Variants in PNPLA8 observed in about 807,000 individuals in gnomAD.
The protein encoded by PNPLA8 is calcium-independent phospholipase A2-gamma.
PNPLA8 carries 39 observed loss-of-function variants against 76.9 expected under a neutral mutation model. That is an observed-to-expected ratio of 0.51 (90% CI 0.39 to 0.66). The LOEUF (loss-of-function observed/expected upper bound fraction) is 0.66. Ranked by LOEUF, PNPLA8 falls within the 30% of genes least tolerant of loss-of-function variation. The pLI, the probability that PNPLA8 is intolerant of heterozygous loss-of-function variation, is 0.00. For missense variants in PNPLA8, 887 were observed against 918.0 expected, an observed-to-expected ratio of 0.97 and a Z score of 0.44; for synonymous variants, 301 against 307.9, an observed-to-expected ratio of 0.98 and a Z score of 0.24.
chr7:108,502,729 C>A, intron 4 of PNPLA8, 87 bp from the exon 5 acceptor site: 2 of 868,488 alleles, frequency 2.3e-6, no homozygotes, highest in Non-Finnish European at 3.6e-6. Context: ...ATGCAGTTCA[C>A]CACATGACAA....
rs1863201637 is a variant in PNPLA8 at position 108,514,878 on chromosome 7, T to G, written c.614A>C (p.Tyr205Ser). 6.2e-7 allele frequency: 1 copy of G among 1,607,932 alleles called. No homozygotes were observed. The highest frequency in any genetic ancestry group is 1.3e-5 in the African/African-American group (1 of 74,564). Reference sequence around the variant, plus strand: ...TGAATTAATATGATTTGATAAAAAGTAGAATGAGTCTCCAAATTTTGTGGT... The same window carrying G: ...TGAATTAATATGATTTGATAAAAAGGAGAATGAGTCTCCAAATTTTGTGGT... Reference protein sequence around the residue: ...SITTKFGDSFYFLSNHINSYF... With the variant: ...SITTKFGDSFSFLSNHINSYF... Residue 205 changes from tyrosine to serine, a missense_variant, in exon 3 of 11, where the codon TAC becomes TCC. Physicochemically the swap from Tyr to Ser is moderately radical, Grantham distance 144. Coordinates refer to ENST00000257694, the MANE Select transcript of PNPLA8 (RefSeq NM_001256007.3).
At chr7:108,480,671 T>C (rs189529948) in intron 9 of PNPLA8, 23 of 383,908 alleles carry the variant, frequency 6.0e-5, no homozygotes, top group African/African-American at 4.3e-4. Context: ...TTTGACAGAA[T>C]ACTTAAACAT....
At chr7:108,504,434 G>C (rs35220845) in intron 4 of PNPLA8, among the ~76,000 whole-genome samples, 15,412 of 152,026 alleles carry the variant, frequency 0.1, 815 homozygotes, top group Non-Finnish European at 0.11. Context: ...AGATGTAAAA[G>C]ACACCCAACA....
chr7:108,511,037 TTGG>T, intron 4 of PNPLA8: 1 of 507,994 alleles, frequency 2.0e-6, no homozygotes, highest in Non-Finnish European at 3.0e-6. Flanking sequence ...TGCTCTCAAA[TTGG>T]AAAAAAAAAA....
chr7:108,524,487 T>C (rs770511099), intron 1 of PNPLA8, among the ~76,000 whole-genome samples: 1 of 152,128 alleles, frequency 6.6e-6, no homozygotes. Flanking sequence ...TAATGGATAA[T>C]GAACAGAATA....
At chr7:108,481,503 T>G (rs1860393591) in intron 9 of PNPLA8, among the ~76,000 whole-genome samples, 1 of 150,640 alleles carries the variant, frequency 6.6e-6, no homozygotes, top group African/African-American at 2.4e-5. Flanking sequence ...CATCCCTTTA[T>G]CCTCTGCTGA....
At chr7:108,522,186 C>T (rs1863786535) in intron 1 of PNPLA8, among the ~76,000 whole-genome samples, 1 of 151,222 alleles carries the variant, frequency 6.6e-6, no homozygotes, top group Non-Finnish European at 1.5e-5. Context: ...CCCAGCTATT[C>T]GGGAGGCTGA....
intron 7 of PNPLA8, among the ~76,000 whole-genome samples, chr7:108,493,886 T>C (rs1861379457): frequency 6.6e-6 from 1 of 152,140 alleles, no homozygotes; most frequent in South Asian, 2.1e-4. Flanking sequence ...GCTGTATCAT[T>C]ATAAAAATAT....
intron 9 of PNPLA8, chr7:108,480,757 C>T: frequency 5.0e-6 from 2 of 401,314 alleles, no homozygotes; most frequent in Non-Finnish European, 5.2e-6. Context: ...TCAGATTATA[C>T]AGTAAAATTA....
chr7:108,524,092 CTG>C (rs1400426490), intron 1 of PNPLA8, among the ~76,000 whole-genome samples: 3 of 152,200 alleles, frequency 2.0e-5, no homozygotes, highest in African/African-American at 7.2e-5. Context: ...TGTACACAGA[CTG>C]TGGATTTACT....
upstream of PNPLA8, among the ~76,000 whole-genome samples, chr7:108,526,831 C>T (rs966521214): frequency 6.6e-6 from 1 of 152,206 alleles, no homozygotes; most frequent in South Asian, 2.1e-4. Context: ...AAATCCAGCC[C>T]ACCGCAGGTT....
Position 108,514,423 on chromosome 7 carries a change from C to A in PNPLA8, c.1056+13G>T, listed in dbSNP as rs988727446. 1.3e-6 allele frequency: 2 copies of A among 1,592,516 alleles called. No homozygotes were observed. Among genetic ancestry groups the A allele is most frequent in the Admixed American group, 1.8e-5 (1 of 55,766 alleles). ...AAAAGTAATAGAACCGAAAAGCACA[C>A]TGAACAACTTGCCTTTTCTCGCTGA... On this transcript the variant is annotated intron_variant, in intron 3 of 10. Transcript: ENST00000257694.
intron 9 of PNPLA8, among the ~76,000 whole-genome samples, chr7:108,486,507 G>A (rs1860746780): frequency 6.6e-6 from 1 of 151,986 alleles, no homozygotes; most frequent in South Asian, 2.1e-4. Context: ...AGGCAAGAAG[G>A]GGAAGTGCCT....
At chr7:108,486,349 G>A (rs1021555761) in intron 9 of PNPLA8, among the ~76,000 whole-genome samples, 1 of 151,928 alleles carries the variant, frequency 6.6e-6, no homozygotes, top group Admixed American at 6.6e-5. Context: ...TTATGACATG[G>A]TACATAAGAA....
At chr7:108,507,356 A>G (rs1191948391) in intron 4 of PNPLA8, among the ~76,000 whole-genome samples, 1 of 150,720 alleles carries the variant, frequency 6.6e-6, no homozygotes, top group African/African-American at 2.4e-5. Context: ...AAAAAAAAAA[A>G]AAAAAAAAAA....
intron 2 of PNPLA8, among the ~76,000 whole-genome samples, chr7:108,515,989 C>T (rs895824189): frequency 5.3e-5 from 8 of 152,110 alleles, no homozygotes; most frequent in Non-Finnish European, 7.4e-5. Context: ...TCATTGCAAA[C>T]GATTTATAGA....
intron 9 of PNPLA8, among the ~76,000 whole-genome samples, chr7:108,487,437 G>T (rs1860814257): frequency 6.6e-6 from 1 of 152,118 alleles, no homozygotes; most frequent in Non-Finnish European, 1.5e-5. Flanking sequence ...CATTTTCAGG[G>T]AGTGTATATC....
intron 9 of PNPLA8, among the ~76,000 whole-genome samples, chr7:108,481,896 G>C (rs1247951348): frequency 1.3e-5 from 2 of 152,004 alleles, no homozygotes; most frequent in Non-Finnish European, 2.9e-5. Context: ...GTGTGGTGGG[G>C]GTCTAGGAGA....
At chr7:108,525,510 T>A (rs1864012068) in intron 1 of PNPLA8, among the ~76,000 whole-genome samples, 1 of 152,208 alleles carries the variant, frequency 6.6e-6, no homozygotes, top group African/African-American at 2.4e-5. Flanking sequence ...AACACAGTGA[T>A]TCATACACCT....
Sources: gnomAD v4.1 joint callset for allele counts (sites outside exome capture counted in the v4.1 genomes callset) on GRCh38, gnomAD v4.1.1 for gene constraint, MANE v1.5 for transcripts, NCBI Gene and HGNC (gene_info 2026-07-23, HGNC 2026-07-21) for gene names.